The following CALN1 variants were observed in gnomAD, a reference collection of about 807,000 sequenced individuals.
CALN1 encodes calneuron 1.
CALN1 carries 17 observed loss-of-function variants against 30.6 expected under a neutral mutation model. The observed-to-expected ratio is 0.56, with a 90% CI of 0.38 to 0.83. The LOEUF is 0.83. Among genes scored for constraint, CALN1 ranks in the 40% least tolerant of loss-of-function variants. The pLI is 0.00. For synonymous variants in CALN1, 156 were observed against 131.4 expected (o/e 1.19, Z -1.28); for missense variants, 291 against 354.9 (o/e 0.82, Z 1.45).
chr7:71,843,482 G>A lies in CALN1; in HGVS notation c.502-32990C>T, dbSNP rs186403867. On this transcript the variant is annotated intron_variant, in intron 5 of 6. Coordinates refer to ENST00000395275, the MANE Select transcript of CALN1 (RefSeq NM_031468.4). ...AAAAACTATTTAGAAAAATAGCCAG[G>A]CATGGTAGTGTGCACCTGGAGTCAC... Among the ~76,000 whole-genome samples, 333 of 152,208 alleles carry A rather than the reference G, an allele frequency of 2.2e-3. 3 individuals are homozygous for A. Among genetic ancestry groups the A allele is most frequent in the East Asian group, 4.7e-3 (24 of 5,158 alleles).
chr7:72,489,578 C>T, the CALN1 span, among the ~76,000 whole-genome samples: 4 of 152,192 alleles, frequency 2.6e-5, no homozygotes, highest in South Asian at 6.2e-4. Flanking sequence ...TGACTGTTTG[C>T]CTCAAGAGGA....
chr7:72,354,906 C>CTT (rs200557517), intron 2 of CALN1, among the ~76,000 whole-genome samples: 5 of 140,394 alleles, frequency 3.6e-5, no homozygotes, highest in South Asian at 2.3e-4. Flanking sequence ...TTTTTCTTTT[C>CTT]TTTTTTTTTT....
intron 4 of CALN1, among the ~76,000 whole-genome samples, chr7:72,058,118 A>G (rs746586126): frequency 1.1e-4 from 16 of 152,068 alleles, no homozygotes; most frequent in Non-Finnish European, 1.5e-4. Flanking sequence ...CCCCACCACT[A>G]TACCACATAT....
Position 72,168,801 on chromosome 7 carries a change from TA to T in CALN1, c.245-62508del, listed in dbSNP as rs1401909102. ...AAGGATGCCTGCTTATTATTATTAT[TA>T]TTATTTTTTTTTTTTTTTTTGAGAT... On this transcript the variant is annotated intron_variant, in intron 3 of 6. Coordinates refer to ENST00000395275, the MANE Select transcript of CALN1 (RefSeq NM_031468.4). Among the ~76,000 whole-genome samples the T allele has an allele frequency of 6.8e-3, 689 of 100,776 alleles. 11 individuals are homozygous for T. Among genetic ancestry groups the T allele is most frequent in the Admixed American group, 0.012 (127 of 10,338 alleles). The allele number at this position is 100,776 out of a possible 152,430, so 66.1% of individuals were successfully genotyped here.
At chr7:72,043,520 A>G (rs1023185381) in intron 4 of CALN1, among the ~76,000 whole-genome samples, 5 of 152,116 alleles carry the variant, frequency 3.3e-5, no homozygotes, top group South Asian at 2.1e-4. Flanking sequence ...TATAATCCCA[A>G]TAAGTTGTGA....
chr7:71,907,367 A>C (rs961046051), intron 5 of CALN1, among the ~76,000 whole-genome samples: 8 of 152,142 alleles, frequency 5.3e-5, no homozygotes, highest in Non-Finnish European at 5.9e-5. Flanking sequence ...GCTGCAAACC[A>C]GAAGGACAAA....
At chr7:71,809,464 C>CCAAAAAA (rs376097060) in intron 6 of CALN1, among the ~76,000 whole-genome samples, 8 of 108,402 alleles carry the variant, frequency 7.4e-5, no homozygotes, top group African/African-American at 2.8e-4. Context: ...TTTAAATGTT[C>CCAAAAAA]AAAAAAAAAA....
At chr7:71,987,097 G>A (rs917135691) in intron 5 of CALN1, among the ~76,000 whole-genome samples, 2 of 151,584 alleles carry the variant, frequency 1.3e-5, no homozygotes, top group Non-Finnish European at 2.9e-5. Context: ...CTGCACTCCA[G>A]CCTCGGTGAC....
intron 2 of CALN1, among the ~76,000 whole-genome samples, chr7:72,332,432 T>G (rs1028557117): frequency 2.6e-5 from 4 of 151,972 alleles, no homozygotes; most frequent in African/African-American, 9.7e-5. Context: ...TGTGTGGGTG[T>G]GTCTTATGGA....
rs187611378 is a variant in CALN1 at position 72,247,321 on chromosome 7, T to A, written c.244+31365A>T. 1.2e-3 allele frequency among the ~76,000 whole-genome samples: 168 copies of A among 140,208 alleles called. 2 individuals carry two copies. Among genetic ancestry groups the A allele is most frequent in the East Asian group, 0.011 (52 of 4,764 alleles). The allele number at this position is 140,208 out of a possible 152,430, so 92.0% of individuals were successfully genotyped here. A position where few individuals can be genotyped will look rare whatever the true frequency, so the allele number is the denominator to read the frequency against. ...TGGAGTGCAGTGGCGCGACGTTGGC[T>A]CACTGCAAGTTCCGCCTCCCGGTTC... On this transcript the variant is annotated intron_variant, in intron 3 of 6. Transcript: ENST00000395275.
chr7:71,892,179 T>C (rs776027466), intron 5 of CALN1, among the ~76,000 whole-genome samples: 12 of 152,200 alleles, frequency 7.9e-5, no homozygotes, highest in Non-Finnish European at 1.6e-4. Flanking sequence ...GCTGATTTGA[T>C]AGTCTGACAT....
intron 2 of CALN1, among the ~76,000 whole-genome samples, chr7:72,385,736 T>C (rs1433991231): frequency 6.6e-6 from 1 of 152,050 alleles, no homozygotes; most frequent in African/African-American, 2.4e-5. Context: ...TGAGTTCTCA[T>C]GAGATCGAAT....
chr7:72,421,124 A>G (rs1298266418), intron 1 of CALN1, among the ~76,000 whole-genome samples: 1 of 152,098 alleles, frequency 6.6e-6, no homozygotes, highest in Non-Finnish European at 1.5e-5. Flanking sequence ...TCTTAAAAAA[A>G]TGGTAATTTA....
the CALN1 span, among the ~76,000 whole-genome samples, chr7:72,457,317 T>C: frequency 6.6e-6 from 1 of 152,200 alleles, no homozygotes; most frequent in Non-Finnish European, 1.5e-5. Context: ...AAAATCAAAC[T>C]CCACAATCTG....
At chr7:72,477,458 C>A in the CALN1 span, among the ~76,000 whole-genome samples, 1 of 152,094 alleles carries the variant, frequency 6.6e-6, no homozygotes, top group African/African-American at 2.4e-5. Flanking sequence ...GACTCTGTCA[C>A]CCAGGCTGAG....
chr7:72,154,693 G>A (rs1435362428), intron 3 of CALN1, among the ~76,000 whole-genome samples: 5 of 152,092 alleles, frequency 3.3e-5, no homozygotes, highest in Non-Finnish European at 7.4e-5. Context: ...GAGGTTATGG[G>A]GTTAACTAAG....
chr7:71,985,373 G>A (rs1164000593), intron 5 of CALN1, among the ~76,000 whole-genome samples: 1 of 152,152 alleles, frequency 6.6e-6, no homozygotes, highest in Non-Finnish European at 1.5e-5. Context: ...GCTGGGTGCA[G>A]TAGTTCATGC....
chr7:71,827,771 T>TAAAAAAAAAAAAAAAAAA (rs1554347602), intron 5 of CALN1, among the ~76,000 whole-genome samples: 1 of 96,840 alleles, frequency 1.0e-5, no homozygotes, highest in African/African-American at 3.4e-5. Context: ...GACTCCATCT[T>TAAAAAAAAAAAAAAAAAA]AAAAAAATAA....
intron 5 of CALN1, among the ~76,000 whole-genome samples, chr7:71,930,731 A>G (rs1166192093): frequency 6.6e-6 from 1 of 152,022 alleles, no homozygotes; most frequent in Non-Finnish European, 1.5e-5. Context: ...AAGCAGTCCA[A>G]CTTCATTCTC....
Sources: gnomAD v4.1 joint callset for allele counts (sites outside exome capture counted in the v4.1 genomes callset) on GRCh38, gnomAD v4.1.1 for gene constraint, MANE v1.5 for transcripts, NCBI Gene and HGNC (gene_info 2026-07-23, HGNC 2026-07-21) for gene names.